PMS1: variants seen among roughly 807,000 people sequenced by gnomAD.
PMS1 encodes the protein PMS1 protein homolog 1.
In PMS1, 79 loss-of-function variants were observed where a neutral mutation model predicts 93.1. That is an observed-to-expected ratio of 0.85 (90% confidence interval 0.71 to 1.02). PMS1 has a LOEUF of 1.02. Among genes scored for constraint, PMS1 ranks in the 50% least tolerant of loss-of-function variants. PMS1 has a pLI of 0.00. For synonymous variants in PMS1, 335 were observed against 363.4 expected, an observed-to-expected ratio of 0.92 and a Z score of 0.89; for missense variants, 1,064 against 1,085.3, an observed-to-expected ratio of 0.98 and a Z score of 0.28.
At chr2:189,804,787 C>T (rs983379068) in intron 3 of PMS1, among the ~76,000 whole-genome samples, 1 of 152,036 alleles carries the variant, frequency 6.6e-6, no homozygotes, top group Non-Finnish European at 1.5e-5. Flanking sequence ...ATAAAGATGG[C>T]CAAGAAAGAT....
intron 4 of PMS1, among the ~76,000 whole-genome samples, chr2:189,810,010 C>T (rs1369926503): frequency 1.3e-5 from 2 of 152,140 alleles, no homozygotes; most frequent in Non-Finnish European, 2.9e-5. Flanking sequence ...TTTCTGTCTT[C>T]CTTCTGTCTA....
intron 5 of PMS1, among the ~76,000 whole-genome samples, chr2:189,843,703 C>T (rs995598710): frequency 6.6e-6 from 1 of 152,122 alleles, no homozygotes; most frequent in Non-Finnish European, 1.5e-5. Flanking sequence ...TTTTATCTTC[C>T]AACAACTCTG....
chr2:189,869,293 C>G, intron 11 of PMS1, among the ~76,000 whole-genome samples: 1 of 152,176 alleles, frequency 6.6e-6, no homozygotes, highest in East Asian at 1.9e-4. Context: ...GGGAGATGCT[C>G]ACATATTCTC....
intron 3 of PMS1, among the ~76,000 whole-genome samples, chr2:189,800,882 G>T (rs2049825620): frequency 6.6e-6 from 1 of 152,152 alleles, no homozygotes; most frequent in Admixed American, 6.5e-5. Context: ...AAAATTGGCT[G>T]GAGAAATCTA....
Position 189,854,559 on chromosome 2 carries a change from T to G in PMS1, c.1287T>G (p.Asp429Glu). Reference protein sequence around the residue: ...GHCSSEISNIDKNTKNAFQDI... With the variant: ...GHCSSEISNIEKNTKNAFQDI... ...GTAGTAGTGAAATTTCTAACATTGA[T>G]AAAAACACTAAGAATGCATTTCAGG... Residue 429 changes from aspartate (D) to glutamate (E), a missense_variant, in exon 9 of 13, where the codon GAT becomes GAG. Coordinates refer to ENST00000441310, the MANE Select transcript of PMS1 (RefSeq NM_000534.5). 6.2e-7 allele frequency: 1 copy of G among 1,613,442 alleles called. No homozygotes were observed. Among genetic ancestry groups the G allele is most frequent in the Non-Finnish European group, 8.5e-7 (1 of 1,179,514 alleles).
intron 5 of PMS1, among the ~76,000 whole-genome samples, chr2:189,825,054 T>A (rs1347276767): frequency 2.0e-5 from 3 of 152,128 alleles, no homozygotes; most frequent in African/African-American, 4.8e-5. Context: ...AGACAAACAA[T>A]CATATTGCGC....
rs2056308147 is a variant in PMS1 at position 189,863,952 on chromosome 2, G to A, written c.2066G>A (p.Arg689Lys). The A allele has an allele frequency of 6.2e-7, 1 of 1,609,782 alleles. No individual in the cohort carries two copies. Among genetic ancestry groups the A allele is most frequent in the Non-Finnish European group, 8.5e-7 (1 of 1,177,414 alleles). Residue 689 changes from arginine to lysine, a missense_variant, in exon 10 of 13, where the codon AGA (arginine) becomes AAA (lysine). Arg to Lys is a conservative substitution (Grantham distance 26). Transcript: ENST00000441310. Reference sequence around the variant, plus strand: ...CTCCTTCAGTCCCAAATTGAAAAAAGAAGGAGTCAAAATATTAAAATGGTA... The same window carrying A: ...CTCCTTCAGTCCCAAATTGAAAAAAAAAGGAGTCAAAATATTAAAATGGTA... ...DELLQSQIEK[R>K]RSQNIKMVQI...
intron 11 of PMS1, among the ~76,000 whole-genome samples, chr2:189,871,632 G>A (rs1023218001): frequency 2.0e-5 from 3 of 152,188 alleles, no homozygotes; most frequent in Admixed American, 6.5e-5. Context: ...TCATCTTCCT[G>A]TCATCTTCTG....
chr2:189,869,544 C>T (rs969754257), intron 11 of PMS1, among the ~76,000 whole-genome samples: 5 of 152,118 alleles, frequency 3.3e-5, no homozygotes, highest in South Asian at 2.1e-4. Flanking sequence ...AGGCCAGGCA[C>T]GGTGGCTCAT....
At chr2:189,788,997 C>G (rs2048611245) in intron 1 of PMS1, among the ~76,000 whole-genome samples, 2 of 152,094 alleles carry the variant, frequency 1.3e-5, no homozygotes, top group African/African-American at 4.8e-5. Flanking sequence ...TGTTTCCCTG[C>G]TTGATTGGGA....
At chr2:189,796,122 GCT>G (rs1468499755) in intron 3 of PMS1, among the ~76,000 whole-genome samples, 171 bp downstream of exon 3, 1 of 152,136 alleles carries the variant, frequency 6.6e-6, no homozygotes, top group Non-Finnish European at 1.5e-5. Context: ...ACTTTGGGAG[GCT>G]GAGGCAGGTG....
intron 5 of PMS1, among the ~76,000 whole-genome samples, chr2:189,825,413 T>C (rs568413759): frequency 5.1e-4 from 77 of 152,322 alleles, no homozygotes; most frequent in African/African-American, 1.7e-3. Flanking sequence ...AATATTTTTA[T>C]TTATAAAGTA....
intron 5 of PMS1, among the ~76,000 whole-genome samples, chr2:189,837,653 C>T (rs1332362632): frequency 1.3e-5 from 2 of 152,178 alleles, no homozygotes; most frequent in Non-Finnish European, 2.9e-5. Flanking sequence ...AAACATGGAG[C>T]TACCATGTGG....
intron 5 of PMS1, among the ~76,000 whole-genome samples, chr2:189,827,507 T>A (rs1255037646): frequency 6.6e-6 from 1 of 152,226 alleles, no homozygotes; most frequent in Non-Finnish European, 1.5e-5. Context: ...ATATATGAAA[T>A]CATAAAATAA....
intron 9 of PMS1, among the ~76,000 whole-genome samples, chr2:189,856,470 GTTCAAATTT>G (rs1453668184): frequency 2.6e-5 from 4 of 151,980 alleles, no homozygotes; most frequent in African/African-American, 9.7e-5. Flanking sequence ...AATACTCAGT[GTTCAAATTT>G]ATAATTGTTT....
At chr2:189,806,030 T>C (rs2050313293) in intron 4 of PMS1, 1 of 963,164 alleles carries the variant, frequency 1.0e-6, no homozygotes, top group East Asian at 2.8e-5. Flanking sequence ...TTACCAGTGC[T>C]GGATTACCAG....
At chr2:189,870,254 G>A (rs192203192) in intron 11 of PMS1, among the ~76,000 whole-genome samples, 1 of 152,206 alleles carries the variant, frequency 6.6e-6, no homozygotes, top group African/African-American at 2.4e-5. Context: ...CAGTTTGCCT[G>A]TAGTCACAGT....
rs2050291200 is a variant in PMS1, at chr2:189,805,821, A to AG, written c.418+67_418+68insG. The AG allele has an allele frequency of 2.5e-6, 4 of 1,597,372 alleles. No homozygotes were observed. The African/African-American group carries it at 4.0e-5, about 16-fold the overall frequency. On this transcript the variant is annotated intron_variant, in intron 4 of 12. Coordinates refer to ENST00000441310, the MANE Select transcript of PMS1 (RefSeq NM_000534.5). Reference sequence around the variant, plus strand: ...TGTCTTAATTGTTGGTTTAAAAAAAAAAAGTTACTCGGTGAATACAAATAT... The same window carrying AG: ...TGTCTTAATTGTTGGTTTAAAAAAAAGAAAGTTACTCGGTGAATACAAATAT...
At chr2:189,842,591 A>C (rs2053906851) in intron 5 of PMS1, among the ~76,000 whole-genome samples, 1 of 152,206 alleles carries the variant, frequency 6.6e-6, no homozygotes, top group East Asian at 1.9e-4. Flanking sequence ...AAGCTGAGGC[A>C]GAATTAATAT....
Sources: allele counts gnomAD v4.1 joint callset (sites outside exome capture counted in the v4.1 genomes callset), GRCh38; gene constraint gnomAD v4.1.1; transcripts MANE v1.5; gene names NCBI Gene and HGNC (gene_info 2026-07-23, HGNC 2026-07-21).